RPH3AL: variants seen among roughly 807,000 people sequenced by gnomAD.
The protein encoded by RPH3AL is rabphilin 3A like (without C2 domains).
In RPH3AL, 38 loss-of-function variants were observed where a neutral mutation model predicts 43.1. That is an observed-to-expected ratio of 0.88 (90% CI 0.68 to 1.15). The LOEUF (loss-of-function observed/expected upper bound fraction) is 1.15, where lower values mean the gene tolerates loss of function less well. RPH3AL is among the 50% of genes most tolerant of loss of function. RPH3AL has a pLI of 0.00. For missense variants in RPH3AL, 462 were observed against 423.2 expected (o/e 1.09, Z -0.81); for synonymous variants, 189 against 176.3 (o/e 1.07, Z -0.57).
At position 215,702 on chromosome 17, in the gene RPH3AL, A is replaced by T. The variant is rs1164872256; in HGVS notation, c.828T>A (p.Ser276=). The T allele has an allele frequency of 1.6e-6, 2 of 1,281,302 alleles. No homozygotes were observed. The highest frequency in any genetic ancestry group is 2.0e-6 in the Non-Finnish European group (2 of 1,009,076). The allele number at this position is 1,281,302 out of a possible 1,614,324, so 79.4% of individuals were successfully genotyped here. Residue 276 remains serine, a synonymous_variant, in exon 9 of 10, where the codon TCT becomes TCA. Coordinates refer to ENST00000331302, the MANE Select transcript of RPH3AL (RefSeq NM_006987.4). This position sits in a 1 kb window ranked among gnomAD's most constrained non-coding sequence, Gnocchi z 4.1. ...SLASGETGTG[S]ADPPGGPRPG... ...GGCGGGGTCCCCCTGGCGGGTCAGC[A>T]GAGCCTGTCCCCGTCTCACCACTGG...
rs751489393 is a variant in RPH3AL at position 245,415 on chromosome 17, ATGG to A, written c.613+1693_613+1695del. 1.1e-4 allele frequency among the ~76,000 whole-genome samples: 16 copies of A among 141,600 alleles called. No individual in the cohort carries two copies. Among genetic ancestry groups the A allele is most frequent in the Non-Finnish European group, 2.3e-4 (15 of 64,874 alleles). The allele number at this position is 141,600 out of a possible 152,430, so 92.9% of individuals were successfully genotyped here. ...TGTGGATATCAGTGTGTGTGTGTGC[ATGG>A]TGATGTGTGTGTAGGTGTGAGCGTG... On this transcript the variant is annotated intron_variant, in intron 7 of 9. Coordinates refer to ENST00000331302, the MANE Select transcript of RPH3AL (RefSeq NM_006987.4). This position sits in a 1 kb window ranked among gnomAD's most constrained non-coding sequence, Gnocchi z 5.9.
chr17:298,307 G>A (rs1209717505), intron 5 of RPH3AL, among the ~76,000 whole-genome samples: 5 of 152,090 alleles, frequency 3.3e-5, no homozygotes, highest in Admixed American at 1.3e-4. Flanking sequence ...CGGCCTCTCT[G>A]ATGTTCCAGG....
intron 7 of RPH3AL, among the ~76,000 whole-genome samples, chr17:222,360 T>C (rs1251814123): frequency 2.0e-5 from 3 of 152,220 alleles, no homozygotes; most frequent in Admixed American, 1.3e-4. Context: ...CTGCAAGAAT[T>C]GAACTGGAAG....
At chr17:241,098 A>AATAATAATAATCATC (rs763128192) in intron 7 of RPH3AL, among the ~76,000 whole-genome samples, 1 of 94,402 alleles carries the variant, frequency 1.1e-5, no homozygotes, top group Non-Finnish European at 2.2e-5. Context: ...TAATAATAAT[A>AATAATAATAATCATC]ATCTTGTTGG....
In RPH3AL at chr17:215,890, T is replaced by G; in HGVS notation, c.728-88A>C. On this transcript the variant is annotated intron_variant, in intron 8 of 9. Coordinates refer to ENST00000331302, the MANE Select transcript of RPH3AL (RefSeq NM_006987.4). This position sits in a 1 kb window ranked among gnomAD's most constrained non-coding sequence, Gnocchi z 4.1. ...TTCCTCGTTTGGAACTCTAGATCTC[T>G]ATGGGATGTCTGCCCCCCACCCCAC... is the stretch of plus-strand genomic sequence containing the variant. The G allele has an allele frequency of 4.2e-5, 52 of 1,223,808 alleles. No individual in the cohort carries two copies. Among genetic ancestry groups the G allele is most frequent in the East Asian group, 1.2e-4 (4 of 32,164 alleles). 75.8% of individuals were successfully genotyped at this position (1,223,808 alleles called of 1,614,324 possible).
intron 5 of RPH3AL, among the ~76,000 whole-genome samples, chr17:315,593 G>GCCCCA (rs2044000375): frequency 1.6e-5 from 2 of 123,390 alleles, no homozygotes; most frequent in African/African-American, 3.0e-5. Flanking sequence ...TAGTCCCTGT[G>GCCCCA]CTCCACCTCC....
chr17:285,227 C>T (rs889172022), intron 5 of RPH3AL, among the ~76,000 whole-genome samples: 7 of 152,138 alleles, frequency 4.6e-5, no homozygotes, highest in Non-Finnish European at 7.4e-5. Flanking sequence ...CGCCATCCTG[C>T]GCTATCACCA....
At chr17:334,490 C>CG (rs1567533320) in intron 1 of RPH3AL, among the ~76,000 whole-genome samples, 2 of 142,706 alleles carry the variant, frequency 1.4e-5, no homozygotes, top group African/African-American at 5.3e-5. Flanking sequence ...CCATCCACTG[C>CG]GGAGGGACAG....
intron 5 of RPH3AL, among the ~76,000 whole-genome samples, chr17:310,427 C>T (rs1001677531): frequency 1.3e-5 from 2 of 152,170 alleles, no homozygotes; most frequent in Admixed American, 1.3e-4. Context: ...TCTGTCCTCC[C>T]CAACCATGCC....
At position 290,923 on chromosome 17, in the gene RPH3AL, A is replaced by G. The variant is rs1381378737; in HGVS notation, c.352-9069T>C. Among the ~76,000 whole-genome samples, 1 of 152,104 alleles carries G rather than the reference A, an allele frequency of 6.6e-6. No individual in the cohort carries two copies. The highest frequency in any genetic ancestry group is 6.5e-5 in the Admixed American group (1 of 15,272). On this transcript the variant is annotated intron_variant, in intron 5 of 9. Coordinates refer to ENST00000331302, the MANE Select transcript of RPH3AL (RefSeq NM_006987.4). This position sits in a 1 kb window ranked among gnomAD's most constrained non-coding sequence, Gnocchi z 4.2. ...GAGGGCTGTTCATGAGCCTCACTCG[A>G]CCGAAAAGGGTGAAACTGCGCTCAA...
chr17:318,742 T>G (rs1043098756), intron 5 of RPH3AL, among the ~76,000 whole-genome samples: 2 of 152,332 alleles, frequency 1.3e-5, no homozygotes, highest in African/African-American at 4.8e-5. Context: ...AGTCCTAGAC[T>G]CAATGCGAAA....
rs1320680979 is a variant in RPH3AL, at chr17:290,752, G to A, written c.352-8898C>T. ...AGATCAGAAGACGGGAAGGGGCTTA[G>A]TGCCAATGTAGGGGGAGGGAAGGAA... On this transcript the variant is annotated intron_variant, in intron 5 of 9. Coordinates refer to ENST00000331302, the MANE Select transcript of RPH3AL (RefSeq NM_006987.4). The surrounding 1 kb of genome is among the most constrained non-coding windows in gnomAD (Gnocchi z 4.2). Among the ~76,000 whole-genome samples the A allele has an allele frequency of 6.6e-6, 1 of 152,186 alleles. No homozygotes were observed.
intron 5 of RPH3AL, among the ~76,000 whole-genome samples, chr17:314,090 A>C (rs990995228): frequency 9.2e-5 from 14 of 152,168 alleles, no homozygotes; most frequent in Non-Finnish European, 1.6e-4. Context: ...CAGGACAGCC[A>C]CTGTTGCCTA....
At chr17:286,102 T>C (rs985438811) in intron 5 of RPH3AL, among the ~76,000 whole-genome samples, 1 of 152,318 alleles carries the variant, frequency 6.6e-6, no homozygotes, top group South Asian at 2.1e-4. Flanking sequence ...AATGTGCACG[T>C]GTCTCACTGA....
intron 8 of RPH3AL, among the ~76,000 whole-genome samples, chr17:217,194 A>C (rs879060387): frequency 1.1e-5 from 1 of 89,606 alleles, no homozygotes; most frequent in Non-Finnish European, 2.4e-5. Flanking sequence ...AATTGGCCTC[A>C]CTGAAATCAG....
chr17:315,785 T>TGTGCTCCACATCC (rs2044083225), intron 5 of RPH3AL, among the ~76,000 whole-genome samples: 18 of 66,502 alleles, frequency 2.7e-4, no homozygotes, highest in Admixed American at 8.0e-4. Context: ...ACCCCATCTC[T>TGTGCTCCACATCC]ATTGACCTGT....
intron 2 of RPH3AL, among the ~76,000 whole-genome samples, chr17:330,604 G>A (rs1344648467): frequency 2.0e-5 from 3 of 152,146 alleles, no homozygotes; most frequent in South Asian, 4.1e-4. Context: ...GCCCACACGG[G>A]GTGGCTCACG....
chr17:249,646 A>C (rs1211722164), intron 6 of RPH3AL, among the ~76,000 whole-genome samples: 1 of 150,236 alleles, frequency 6.7e-6, no homozygotes. Context: ...GCATCACATT[A>C]GTACTGTGGG....
At chr17:320,665 A>G (rs2044443954) in intron 4 of RPH3AL, among the ~76,000 whole-genome samples, 2 of 152,200 alleles carry the variant, frequency 1.3e-5, no homozygotes, top group Non-Finnish European at 2.9e-5. Flanking sequence ...AAAGGAAAAG[A>G]AAGATCAAAG....
Sources: gnomAD v4.1 joint callset for allele counts (sites outside exome capture counted in the v4.1 genomes callset) on GRCh38, gnomAD v4.1.1 for gene constraint, Gnocchi (gnomAD v3.1) non-coding constraint, MANE v1.5 for transcripts, NCBI Gene and HGNC (gene_info 2026-07-23, HGNC 2026-07-21) for gene names.